The following GAS2 variants were observed in gnomAD, a reference collection of about 807,000 sequenced individuals.
GAS2 encodes growth arrest specific 2, also known as growth arrest-specific protein 2.
A neutral mutation model predicts 37.5 loss-of-function variants in GAS2; 20 were observed. The observed-to-expected ratio is 0.53, with a 90% CI of 0.37 to 0.77. The LOEUF (loss-of-function observed/expected upper bound fraction) is 0.77. GAS2 is among the 30% of genes least tolerant of loss of function. GAS2 has a pLI of 0.00. For synonymous variants in GAS2, 144 were observed against 132.2 expected, an observed-to-expected ratio of 1.09 and a Z score of -0.61; for missense variants, 336 against 373.4, an observed-to-expected ratio of 0.90 and a Z score of 0.82.
Position 22,701,704 on chromosome 11 carries a change from C to T in GAS2, c.267+15915C>T, listed in dbSNP as rs531742409. 6.6e-4 allele frequency among the ~76,000 whole-genome samples: 100 copies of T among 152,186 alleles called. 1 individual carries two copies. The highest frequency in any genetic ancestry group is 1.2e-3 in the Non-Finnish European group (80 of 68,004). ...ATTAGCCGGGTGTGGTGGCAGGTGC[C>T]TGTAGTCCCAGCTACTCTGGACGCT... On this transcript the variant is annotated intron_variant, in intron 3 of 7. Coordinates refer to ENST00000454584, the MANE Select transcript of GAS2 (RefSeq NM_001143830.3).
At chr11:22,682,547 T>C (rs1264967204) in intron 2 of GAS2, among the ~76,000 whole-genome samples, 1 of 152,126 alleles carries the variant, frequency 6.6e-6, no homozygotes, top group Non-Finnish European at 1.5e-5. Context: ...GAATTATTTC[T>C]AATATTTACT....
Position 22,781,800 on chromosome 11 carries a change from C to T in GAS2, c.723+25847C>T, listed in dbSNP as rs182316518. On this transcript the variant is annotated intron_variant, in intron 7 of 7. Coordinates refer to ENST00000454584, the MANE Select transcript of GAS2 (RefSeq NM_001143830.3). ...ACTGTAATGTAACAAAGCAGTTCCC[C>T]TCTAGGACTGTCTAGATCCCTGGGT... Among the ~76,000 whole-genome samples, 559 of 152,130 alleles carry T rather than the reference C, an allele frequency of 3.7e-3. 4 individuals carry two copies. Among genetic ancestry groups the T allele is most frequent in the African/African-American group, 0.012 (494 of 41,490 alleles).
At chr11:22,680,610 A>C (rs575595634) in intron 2 of GAS2, among the ~76,000 whole-genome samples, 1 of 152,268 alleles carries the variant, frequency 6.6e-6, no homozygotes, top group South Asian at 2.1e-4. Context: ...GAATCATGCC[A>C]AATACCAGAA....
intron 1 of GAS2, among the ~76,000 whole-genome samples, chr11:22,659,859 A>C (rs1327101714): frequency 6.7e-6 from 1 of 148,534 alleles, no homozygotes; most frequent in African/African-American, 2.5e-5. Flanking sequence ...GAGAGAAGAG[A>C]GAAAGGAAAA....
At chr11:22,698,992 G>A (rs187010688) in intron 3 of GAS2, among the ~76,000 whole-genome samples, 95 of 152,020 alleles carry the variant, frequency 6.2e-4, no homozygotes, top group Non-Finnish European at 1.1e-3. Context: ...TTATAATTCT[G>A]TTGTTTTCTA....
chr11:22,796,696 G>A (rs1856443028), intron 7 of GAS2, among the ~76,000 whole-genome samples: 1 of 152,126 alleles, frequency 6.6e-6, no homozygotes, highest in African/African-American at 2.4e-5. Flanking sequence ...AAGACTCAAG[G>A]GGACATCAGT....
intron 2 of GAS2, among the ~76,000 whole-genome samples, chr11:22,681,311 A>T (rs113705820): frequency 0.37 from 55,939 of 151,978 alleles, 11,289 homozygotes; most frequent in African/African-American, 0.55. Context: ...AGGCAACTGA[A>T]ATCCCACCAT....
chr11:22,740,770 A>G (rs1191182647), intron 5 of GAS2, among the ~76,000 whole-genome samples: 1 of 152,202 alleles, frequency 6.6e-6, no homozygotes, highest in Non-Finnish European at 1.5e-5. Context: ...CATACATTAG[A>G]CATATATCTA....
At chr11:22,653,805 T>C (rs186799850) in intron 1 of GAS2, among the ~76,000 whole-genome samples, 5 of 152,308 alleles carry the variant, frequency 3.3e-5, no homozygotes, top group African/African-American at 1.2e-4. Context: ...TCGTGACTGA[T>C]TTGATCAATA....
chr11:22,741,458 T>TA lies in GAS2; in HGVS notation c.473+3700dup, dbSNP rs1025584671. Among the ~76,000 whole-genome samples, 268 of 148,300 alleles carry TA rather than the reference T, an allele frequency of 1.8e-3. 1 individual carries two copies. Among genetic ancestry groups the TA allele is most frequent in the East Asian group, 3.7e-3 (19 of 5,088 alleles). The stretch of plus-strand genomic sequence containing the variant: ...ATTAAGATGATCCTTATAATAGAAG[T>TA]AAAAAAAAAACTTTTGATATTTTCG... On this transcript the variant is annotated intron_variant, in intron 5 of 7. Transcript: ENST00000454584.
chr11:22,753,015 G>A (rs1354920247), intron 6 of GAS2, among the ~76,000 whole-genome samples: 2 of 152,068 alleles, frequency 1.3e-5, no homozygotes, highest in Non-Finnish European at 2.9e-5. Flanking sequence ...CTCTTCGCGA[G>A]CTAGTTCTCA....
chr11:22,773,718 C>T (rs1049965486), intron 7 of GAS2, among the ~76,000 whole-genome samples: 1 of 152,136 alleles, frequency 6.6e-6, no homozygotes, highest in Non-Finnish European at 1.5e-5. Context: ...CTCTCTGAAG[C>T]AAGATGGCCC....
rs1323519723 is a variant in GAS2, at chr11:22,771,789, T to C, written c.723+15836T>C. Among the ~76,000 whole-genome samples, 3 of 152,214 alleles carry C rather than the reference T, an allele frequency of 2.0e-5. No homozygotes were observed. In the East Asian group the frequency reaches 5.8e-4, roughly 29 times the overall value. On this transcript the variant is annotated intron_variant, in intron 7 of 7. Transcript: ENST00000454584. ...ATTTCTAAAAGAGCACAGTTAAATGTATTTCCTTAACCATCATTTATTCTA... is the reference window on the plus strand; with the variant it reads ...ATTTCTAAAAGAGCACAGTTAAATGCATTTCCTTAACCATCATTTATTCTA...
chr11:22,652,995 C>CTTTT (rs1565067484), intron 1 of GAS2, among the ~76,000 whole-genome samples: 10 of 134,132 alleles, frequency 7.5e-5, no homozygotes, highest in Admixed American at 6.2e-4. Context: ...CTTTCTTTGT[C>CTTTT]TTTCTTTCTT....
At chr11:22,630,814 G>A (rs1858735682) in intron 1 of GAS2, among the ~76,000 whole-genome samples, 1 of 152,082 alleles carries the variant, frequency 6.6e-6, no homozygotes, top group African/African-American at 2.4e-5. Context: ...TTTTTGCTTA[G>A]GATTGCTTTG....
intron 1 of GAS2, among the ~76,000 whole-genome samples, chr11:22,652,022 GCT>G: frequency 6.6e-6 from 1 of 152,280 alleles, no homozygotes; most frequent in Non-Finnish European, 1.5e-5. Flanking sequence ...CAGTTTTTCT[GCT>G]CTGTTTTTTC....
intron 3 of GAS2, among the ~76,000 whole-genome samples, chr11:22,725,234 T>C (rs1852144175): frequency 6.6e-6 from 1 of 152,030 alleles, no homozygotes; most frequent in Non-Finnish European, 1.5e-5. Context: ...TTTTACGAGA[T>C]GGTTAACAGA....
At chr11:22,698,073 C>G (rs1482355022) in intron 3 of GAS2, among the ~76,000 whole-genome samples, 1 of 152,014 alleles carries the variant, frequency 6.6e-6, no homozygotes, top group Non-Finnish European at 1.5e-5. Flanking sequence ...ATGATATTGG[C>G]TATGGAGCTG....
Position 22,739,572 on chromosome 11 carries a change from C to CAA in GAS2, c.473+1828_473+1829dup, listed in dbSNP as rs71037525. Among the ~76,000 whole-genome samples, 392 of 64,582 alleles carry CAA rather than the reference C, an allele frequency of 6.1e-3. 5 individuals are homozygous for CAA. Among genetic ancestry groups the CAA allele is most frequent in the African/African-American group, 0.017 (328 of 19,358 alleles). 42.4% of individuals were successfully genotyped at this position (64,582 alleles called of 152,430 possible). A position where few individuals can be genotyped will look rare whatever the true frequency, so the allele number is the denominator to read the frequency against. ...TGGGCGACAGAGCAAGATTCGCTCT[C>CAA]AAAAAAAAAAAAAAAAAAAAAAAAA... On this transcript the variant is annotated intron_variant, in intron 5 of 7. Coordinates refer to ENST00000454584, the MANE Select transcript of GAS2 (RefSeq NM_001143830.3).
Sources: gnomAD v4.1 joint callset for allele counts (sites outside exome capture counted in the v4.1 genomes callset) on GRCh38, gnomAD v4.1.1 for gene constraint, MANE v1.5 for transcripts, NCBI Gene and HGNC (gene_info 2026-07-23, HGNC 2026-07-21) for gene names.